The following TCF4 variants were observed in gnomAD, a reference collection of about 807,000 sequenced individuals.
TCF4 encodes the protein SL3-3 enhancer factor 2.
Under a neutral mutation model 82.1 loss-of-function variants are expected in TCF4, and 3 were observed. That is an observed-to-expected ratio of 0.04 (90% CI 0.02 to 0.09). TCF4 has a LOEUF of 0.09. Ranked by LOEUF, TCF4 falls within the 10% of genes least tolerant of loss-of-function variation. TCF4 has a pLI of 1.00. For synonymous variants in TCF4, 276 were observed against 309.6 expected, an observed-to-expected ratio of 0.89 and a Z score of 1.14; for missense variants, 518 against 852.7, an observed-to-expected ratio of 0.61 and a Z score of 4.89.
intron 15 of TCF4, among the ~76,000 whole-genome samples, chr18:55,246,723 A>G (rs1283013074): frequency 6.6e-6 from 1 of 150,490 alleles, no homozygotes; most frequent in Non-Finnish European, 1.5e-5. Flanking sequence ...TTTTTTTTTC[A>G]GTTTTAAAAA....
At chr18:55,617,811 CTGTGTGTGTGTGTGTGTGTGTG>C (rs74182107) in intron 2 of TCF4, among the ~76,000 whole-genome samples, 2 of 140,610 alleles carry the variant, frequency 1.4e-5, no homozygotes, top group Non-Finnish European at 3.1e-5. Context: ...TTAATTCTAA[CTGTGTGTGTGTGTGTGTGTGTG>C]TGTGTGTGTG....
At chr18:55,282,425 T>C (rs180790068) in intron 8 of TCF4, among the ~76,000 whole-genome samples, 3 of 152,210 alleles carry the variant, frequency 2.0e-5, no homozygotes, top group Admixed American at 2.0e-4. Context: ...AATGGTTTAA[T>C]TTTTCATAAC....
intron 8 of TCF4, chr18:55,321,028 G>C (rs1283248261): frequency 6.6e-6 from 1 of 152,640 alleles, no homozygotes; most frequent in Admixed American, 6.5e-5. Context: ...AATAACTTAT[G>C]ACAATACTGT....
At chr18:55,494,562 AG>A (rs2096612394) in intron 3 of TCF4, among the ~76,000 whole-genome samples, 1 of 152,116 alleles carries the variant, frequency 6.6e-6, no homozygotes. Flanking sequence ...TTATAGTATT[AG>A]GGCACTACAA....
upstream of TCF4, chr18:55,589,881 T>A: frequency 1.0e-6 from 1 of 984,206 alleles, no homozygotes; most frequent in Non-Finnish European, 1.2e-6. Context: ...CAGGCGACCA[T>A]AGAGTGGTAA....
rs957914281 is a variant in TCF4, at chr18:55,447,281, G to A, written c.304+13738C>T. 9.6e-4 allele frequency among the ~76,000 whole-genome samples: 129 copies of A among 133,708 alleles called. 2 individuals are homozygous for A. The highest frequency in any genetic ancestry group is 1.7e-3 in the Non-Finnish European group (108 of 62,592). 87.7% of individuals were successfully genotyped at this position (133,708 alleles called of 152,430 possible). A position where few individuals can be genotyped will look rare whatever the true frequency, so the allele number is the denominator to read the frequency against. On this transcript the variant is annotated intron_variant, in intron 5 of 19. Coordinates refer to ENST00000354452, the MANE Select transcript of TCF4 (RefSeq NM_001083962.2). Reference sequence around the variant, plus strand: ...ACCCCTGCACTCCAGCCTGAAGGACGGGGTGAGACCGTCTCAAAAAAAAAA... The same window carrying A: ...ACCCCTGCACTCCAGCCTGAAGGACAGGGTGAGACCGTCTCAAAAAAAAAA...
At chr18:55,463,914 G>A (rs1214549707) in intron 4 of TCF4, among the ~76,000 whole-genome samples, 162 bp downstream of exon 4, 3 of 151,440 alleles carry the variant, frequency 2.0e-5, no homozygotes, top group Non-Finnish European at 2.9e-5. Context: ...ACATATATGC[G>A]TGTGTGTTTG....
intron 8 of TCF4, among the ~76,000 whole-genome samples, chr18:55,293,872 T>C (rs931927289): frequency 5.2e-4 from 76 of 146,528 alleles, no homozygotes; most frequent in African/African-American, 1.8e-3. Flanking sequence ...GAACAAATAT[T>C]GGGGAAGAAT....
chr18:55,635,143 G>A (rs2097735060), intron 1 of TCF4, among the ~76,000 whole-genome samples: 1 of 152,132 alleles, frequency 6.6e-6, no homozygotes, highest in Non-Finnish European at 1.5e-5. Flanking sequence ...GAATGTTGAT[G>A]GGAAAGGAGA....
chr18:55,249,052 T>C (rs1036836612), intron 15 of TCF4, among the ~76,000 whole-genome samples: 1 of 152,158 alleles, frequency 6.6e-6, no homozygotes, highest in East Asian at 1.9e-4. Context: ...GCCTCTTTTG[T>C]CTGGTTTCTA....
chr18:55,353,111 A>G (rs765735473), intron 6 of TCF4, among the ~76,000 whole-genome samples: 2 of 152,202 alleles, frequency 1.3e-5, no homozygotes, highest in Non-Finnish European at 1.5e-5. Context: ...CCATTGGTTA[A>G]TTCCTCTTGG....
chr18:55,523,508 C>A (rs565189058), intron 3 of TCF4, among the ~76,000 whole-genome samples: 1 of 151,976 alleles, frequency 6.6e-6, no homozygotes, highest in African/African-American at 2.4e-5. Context: ...AAATTGCATA[C>A]ATATTTTAAA....
Position 55,232,647 on chromosome 18 carries a change from T to C in TCF4, c.1511A>G (p.Gln504Arg). Residue 504 changes from glutamine to arginine, a missense_variant, in exon 17 of 20, where the codon CAG (glutamine) becomes CGG (arginine). Physicochemically the swap from Gln to Arg is conservative, Grantham distance 43 (BLOSUM62 1). Around this residue, in one of 7 missense-constraint regions of TCF4, gnomAD observed 144 missense variants for 190.2 expected, o/e 0.76. Transcript: ENST00000354452. ...YRGMPPGLQG[Q>R]SVSSGSSEIK... ...CTCAGAGCTGCCAGAGGAGACACTC[T>C]GCCCCTGTAGTCCTGGTGGCATGCC... is the stretch of plus-strand genomic sequence containing the variant. 1 of 1,614,208 alleles carries C rather than the reference T, an allele frequency of 6.2e-7. No homozygotes were observed. The highest frequency in any genetic ancestry group is 8.5e-7 in the Non-Finnish European group (1 of 1,180,024).
At chr18:55,302,493 G>A in intron 8 of TCF4, 3 of 1,536,124 alleles carry the variant, frequency 2.0e-6, no homozygotes, top group Non-Finnish European at 2.6e-6. Flanking sequence ...ATCCTGTGGT[G>A]TTGTTTGCTG....
At position 55,489,878 on chromosome 18, in the gene TCF4, G is replaced by A. The variant is rs148350029; in HGVS notation, c.146-25741C>T. ...AACACTTCCCCCACATCCCAATCCCGGCTCGGTGATGAAAAGCAGTCGTCA... is the reference window on the plus strand; with the variant it reads ...AACACTTCCCCCACATCCCAATCCCAGCTCGGTGATGAAAAGCAGTCGTCA... On this transcript the variant is annotated intron_variant, in intron 3 of 19. Transcript: ENST00000354452. Among the ~76,000 whole-genome samples, 489 of 152,202 alleles carry A rather than the reference G, an allele frequency of 3.2e-3. 4 individuals carry two copies. Among genetic ancestry groups the A allele is most frequent in the African/African-American group, 0.011 (465 of 41,534 alleles).
intron 8 of TCF4, among the ~76,000 whole-genome samples, chr18:55,339,662 C>T (rs143774088): frequency 4.6e-5 from 7 of 152,218 alleles, no homozygotes; most frequent in African/African-American, 1.4e-4. Flanking sequence ...GTGGAGACCA[C>T]GCTTCCGCTC....
intron 3 of TCF4, among the ~76,000 whole-genome samples, chr18:55,541,550 T>C (rs183576156): frequency 2.6e-5 from 4 of 152,114 alleles, no homozygotes; most frequent in Admixed American, 2.6e-4. Context: ...CACATATATA[T>C]CCTAAGCATA....
At chr18:55,367,966 T>G (rs1404909921) in intron 6 of TCF4, among the ~76,000 whole-genome samples, 2 of 152,234 alleles carry the variant, frequency 1.3e-5, no homozygotes, top group African/African-American at 4.8e-5. Context: ...AAACTCTGTA[T>G]TAGGGAGATC....
At chr18:55,565,780 C>A (rs556570387) in intron 3 of TCF4, among the ~76,000 whole-genome samples, 101 of 150,378 alleles carry the variant, frequency 6.7e-4, no homozygotes, top group Non-Finnish European at 1.1e-3. Flanking sequence ...AAAAAAAAAA[C>A]CAGAATAAAA....
Sources: allele counts gnomAD v4.1 joint callset (sites outside exome capture counted in the v4.1 genomes callset), GRCh38; gene constraint gnomAD v4.1.1; regional missense constraint gnomAD v4.1.1; transcripts MANE v1.5; gene names NCBI Gene and HGNC (gene_info 2026-07-23, HGNC 2026-07-21).